Variants in PCYT1B observed in about 807,000 individuals in gnomAD.
PCYT1B encodes the protein phosphate cytidylyltransferase 1B, choline.
A neutral mutation model predicts 26.4 loss-of-function variants in PCYT1B; 10 were observed. The observed-to-expected ratio is 0.38, with a 90% CI of 0.23 to 0.64. The LOEUF (loss-of-function observed/expected upper bound fraction) is 0.64. Ranked by LOEUF, PCYT1B falls within the 30% of genes least tolerant of loss-of-function variation. The probability of loss-of-function intolerance (pLI) is 0.56; values close to 1 mark genes in which losing one functional copy is unlikely to be tolerated. For synonymous variants in PCYT1B, 131 were observed against 108.4 expected (o/e 1.21, Z -1.29); for missense variants, 161 against 292.7 (o/e 0.55, Z 3.28).
intron 1 of PCYT1B, among the ~76,000 whole-genome samples, chrX:24,660,191 T>C (rs1927000172): frequency 8.9e-6 from 1 of 111,891 alleles, no homozygotes; most frequent in Admixed American, 9.5e-5. Flanking sequence ...TATTCATACA[T>C]GGATTTTGAC....
chrX:24,568,185 C>T (rs886199793), intron 7 of PCYT1B, among the ~76,000 whole-genome samples: 1 of 111,575 alleles, frequency 9.0e-6, no homozygotes, highest in Non-Finnish European at 1.9e-5. Context: ...TCAATAACAA[C>T]TAACCCTTAC....
In PCYT1B at chrX:24,558,342, G is replaced by A. The variant is rs1235272882; in HGVS notation, c.*3951C>T. ...TTATGGCTTTGTCCCTGGACACATC[G>A]CAGTGACACAACAGAGGAAAACTAG... On this transcript the variant is annotated 3_prime_UTR_variant, in exon 8 of 8. Transcript: ENST00000379144. 2 of 111,759 alleles carry A rather than the reference G, an allele frequency of 1.8e-5. No homozygotes were observed. Among genetic ancestry groups the A allele is most frequent in the Non-Finnish European group, 3.8e-5 (2 of 53,119 alleles). 9.2% of individuals were successfully genotyped at this position (111,759 alleles called of 1,213,427 possible).
chrX:24,624,032 C>G, intron 1 of PCYT1B, among the ~76,000 whole-genome samples: 1 of 99,221 alleles, frequency 1.0e-5, no homozygotes. Flanking sequence ...AGTGCAGTGG[C>G]GCAATCTGCT....
At chrX:24,580,688 G>T (rs1467072270) in intron 5 of PCYT1B, among the ~76,000 whole-genome samples, 1 of 111,996 alleles carries the variant, frequency 8.9e-6, no homozygotes, top group Non-Finnish European at 1.9e-5. Flanking sequence ...CAAGAATCAG[G>T]TTTATGCTTA....
chrX:24,603,473 T>C (rs1039478128), intron 3 of PCYT1B, among the ~76,000 whole-genome samples: 1 of 112,114 alleles, frequency 8.9e-6, no homozygotes, highest in African/African-American at 3.2e-5. Flanking sequence ...AATCCCAGCA[T>C]TTTGGGACAC....
chrX:24,650,317 C>CT (rs575150338), upstream of PCYT1B, among the ~76,000 whole-genome samples: 860 of 75,640 alleles, frequency 0.011, 17 homozygotes, highest in African/African-American at 0.026. Flanking sequence ...TATTATGTAG[C>CT]TTTTTTTTTT....
chrX:24,615,182 A>G (rs1925447296), intron 2 of PCYT1B, among the ~76,000 whole-genome samples: 1 of 111,764 alleles, frequency 8.9e-6, no homozygotes, highest in Admixed American at 9.5e-5. Context: ...GTACTCATCA[A>G]CATCACGGAT....
chrX:24,628,480 A>G (rs1047253155), intron 1 of PCYT1B, among the ~76,000 whole-genome samples: 11 of 111,845 alleles, frequency 9.8e-5, no homozygotes, highest in Non-Finnish European at 1.9e-4. Context: ...TTTTCTTATC[A>G]TCATCATAAT....
intron 2 of PCYT1B, among the ~76,000 whole-genome samples, chrX:24,616,931 C>G (rs1444189262): frequency 8.9e-6 from 1 of 112,037 alleles, no homozygotes; most frequent in Non-Finnish European, 1.9e-5. Context: ...GCTCTAAGAC[C>G]AATAGGTTTG....
intron 5 of PCYT1B, 71 bp from the exon 6 acceptor site, chrX:24,579,529 T>C: frequency 3.9e-6 from 4 of 1,037,773 alleles, no homozygotes; most frequent in Non-Finnish European, 5.4e-6. Flanking sequence ...CCTTTAATGG[T>C]CCCCCTTTAC....
At chrX:24,616,228 C>CCT (rs1925486397) in intron 2 of PCYT1B, among the ~76,000 whole-genome samples, 1 of 43,814 alleles carries the variant, frequency 2.3e-5, no homozygotes, top group Non-Finnish European at 3.5e-5. Flanking sequence ...ACCACCTGGA[C>CCT]TTTTTTTTTT....
chrX:24,614,259 G>A (rs996477489), intron 2 of PCYT1B, among the ~76,000 whole-genome samples: 1 of 112,144 alleles, frequency 8.9e-6, no homozygotes, highest in African/African-American at 3.2e-5. Flanking sequence ...AAGAGCTATG[G>A]GCAGAGTTTG....
intron 1 of PCYT1B, among the ~76,000 whole-genome samples, chrX:24,635,772 C>G (rs1302089968): frequency 8.9e-6 from 1 of 111,923 alleles, no homozygotes; most frequent in Non-Finnish European, 1.9e-5. Context: ...ATTAATTTAA[C>G]CAGATTTCCT....
At chrX:24,621,011 C>T (rs1169367094) in intron 1 of PCYT1B, among the ~76,000 whole-genome samples, 1 of 112,282 alleles carries the variant, frequency 8.9e-6, no homozygotes, top group African/African-American at 3.2e-5. Flanking sequence ...CAGCCCTAGA[C>T]TCCTACCAAC....
chrX:24,579,212 A>AGG (rs376094531), intron 6 of PCYT1B, 104 bp downstream of exon 6: 1 of 646,315 alleles, frequency 1.5e-6, no homozygotes, highest in Non-Finnish European at 2.3e-6. Flanking sequence ...AGAGAGAGAG[A>AGG]GGGAGAACAC....
At chrX:24,656,747 G>C (rs974625783) in intron 1 of PCYT1B, among the ~76,000 whole-genome samples, 3 of 107,648 alleles carry the variant, frequency 2.8e-5, no homozygotes, top group Non-Finnish European at 5.8e-5. Context: ...GTAGAGACGG[G>C]TCTCAAACTC....
intron 1 of PCYT1B, among the ~76,000 whole-genome samples, chrX:24,659,641 G>A (rs1440695348): frequency 8.9e-6 from 1 of 112,055 alleles, no homozygotes; most frequent in African/African-American, 3.2e-5. Flanking sequence ...GCTCATAGTT[G>A]TGGAAGCCGG....
At chrX:24,606,783 C>G (rs1452459481) in intron 3 of PCYT1B, among the ~76,000 whole-genome samples, 1 of 112,137 alleles carries the variant, frequency 8.9e-6, no homozygotes, top group Non-Finnish European at 1.9e-5. Context: ...GGGAGAATCA[C>G]TTGAACCCAG....
intron 7 of PCYT1B, among the ~76,000 whole-genome samples, chrX:24,574,606 T>G (rs1478394167): frequency 1.8e-5 from 2 of 111,733 alleles, no homozygotes; most frequent in South Asian, 3.8e-4. Context: ...AAACTCCTAC[T>G]TCTTCTCTCT....
Sources: allele counts gnomAD v4.1 joint callset (sites outside exome capture counted in the v4.1 genomes callset), GRCh38; gene constraint gnomAD v4.1.1; transcripts MANE v1.5; gene names NCBI Gene and HGNC (gene_info 2026-07-23, HGNC 2026-07-21).